Variants in MAN1B1 observed in about 807,000 individuals in gnomAD.
MAN1B1 encodes endoplasmic reticulum mannosyl-oligosaccharide 1,2-alpha-mannosidase.
MAN1B1 carries 66 observed loss-of-function variants against 75.5 expected under a neutral mutation model. The observed-to-expected ratio is 0.87, with a 90% CI of 0.72 to 1.07. The LOEUF is 1.07. Among genes scored for constraint, MAN1B1 ranks in the 50% least tolerant of loss-of-function variants. The pLI is 0.00. For missense variants in MAN1B1, 973 were observed against 912.5 expected, an observed-to-expected ratio of 1.07 and a Z score of -0.85; for synonymous variants, 453 against 382.8, an observed-to-expected ratio of 1.18 and a Z score of -2.14.
rs916796322 is a variant in MAN1B1 at position 137,108,380 on chromosome 9, C to T, written c.1897-8C>T. On this transcript the variant is annotated splice_polypyrimidine_tract_variant and splice_region_variant and intron_variant, in intron 12 of 12. Coordinates refer to ENST00000371589, the MANE Select transcript of MAN1B1 (RefSeq NM_016219.5). ...CCGTGTGGTGACGAGGCCCTGGCTG[C>T]TGCACAGGTCCCCTCGGGTGGCTAT... is the stretch of plus-strand genomic sequence containing the variant. 8.7e-6 allele frequency: 14 copies of T among 1,613,058 alleles called. No homozygotes were observed. The highest frequency in any genetic ancestry group is 1.3e-5 in the African/African-American group (1 of 75,022).
Position 137,107,275 on chromosome 9 carries a change from G to A in MAN1B1, c.1592G>A (p.Gly531Glu), listed in dbSNP as rs1831145544. The A allele has an allele frequency of 6.2e-7, 1 of 1,613,030 alleles. No individual in the cohort carries two copies. Among genetic ancestry groups the A allele is most frequent in the Non-Finnish European group, 8.5e-7 (1 of 1,179,968 alleles). ...KMDHLVCFLP[G>E]TLALGVYHGL... The stretch of plus-strand genomic sequence containing the variant: ...GACCACCTGGTGTGCTTCCTGCCAG[G>A]GACGCTGGCTCTGGGCGTCTACCAC... The change falls in exon 11 of 13, where the codon GGG (glycine) becomes GAG (glutamate). Residue 531 changes from glycine (G) to glutamate (E), a missense_variant. Transcript: ENST00000371589.
Position 137,097,885 on chromosome 9 carries a change from A to T in MAN1B1, c.678A>T (p.Ala226=). The change falls in exon 5 of 13, where the codon GCA becomes GCT. Residue 226 remains alanine (A), a synonymous_variant. Transcript: ENST00000371589. ...GCACCGAGCTCCCTTCAAGAAGAGC[A>T]GAAGTGCCCACCAAGCCTCCCCTGC... ...EQGTELPSRR[A]EVPTKPPLPP... 1 of 1,561,140 alleles carries T rather than the reference A, an allele frequency of 6.4e-7. No homozygotes were observed. Among genetic ancestry groups the T allele is most frequent in the Non-Finnish European group, 8.7e-7 (1 of 1,153,286 alleles).
intron 3 of MAN1B1, 144 bp from the exon 4 acceptor site, chr9:137,096,093 C>T (rs958626501): frequency 2.9e-5 from 24 of 839,962 alleles, no homozygotes; most frequent in African/African-American, 6.7e-5. Context: ...AGCTGCCTGT[C>T]GTATTGAAAA....
At chr9:137,099,906 G>A in intron 6 of MAN1B1, 25 bp downstream of exon 6, 1 of 1,612,894 alleles carries the variant, frequency 6.2e-7, no homozygotes, top group Non-Finnish European at 8.5e-7. Flanking sequence ...CTGGGGAGGG[G>A]CTGAGCCCTC....
intron 2 of MAN1B1, 73 bp downstream of exon 2, chr9:137,088,256 T>C (rs774113305): frequency 1.9e-6 from 3 of 1,613,558 alleles, no homozygotes; most frequent in African/African-American, 1.3e-5. Flanking sequence ...TCTTGCATTC[T>C]ACCTTAAACA....
chr9:137,102,683 G>A (rs1444230008), intron 8 of MAN1B1: 6 of 369,274 alleles, frequency 1.6e-5, no homozygotes, highest in Non-Finnish European at 3.1e-5. Context: ...CATTCACACT[G>A]TTGCAGACAT....
At position 137,106,255 on chromosome 9, in the gene MAN1B1, C is replaced by T. The variant is rs1486940796; in HGVS notation, c.1385C>T (p.Ala462Val). The T allele has an allele frequency of 1.3e-6, 2 of 1,579,128 alleles. No individual in the cohort carries two copies. Among genetic ancestry groups the T allele is most frequent in the Non-Finnish European group, 8.6e-7 (1 of 1,162,614 alleles). Residue 462 changes from alanine to valine, a missense_variant, in exon 9 of 13, where the codon GCC becomes GTC. Transcript: ENST00000371589. ...HLGVFTLGARADSYYEYLLKQ... is the reference protein window; with the variant it reads ...HLGVFTLGARVDSYYEYLLKQ... Reference sequence around the variant, plus strand: ...GGCGTATTCACGCTGGGCGCCAGGGCCGACAGCTACTATGAGTACCTGCTG... The same window carrying T: ...GGCGTATTCACGCTGGGCGCCAGGGTCGACAGCTACTATGAGTACCTGCTG...
intron 8 of MAN1B1, chr9:137,102,835 CAT>C: frequency 2.3e-6 from 1 of 441,056 alleles, no homozygotes; most frequent in African/African-American, 2.2e-5. Context: ...GTGTTACACA[CAT>C]TCACACTGTT....
At chr9:137,100,148 C>T (rs1005755629) in intron 6 of MAN1B1, among the ~76,000 whole-genome samples, 4 of 152,226 alleles carry the variant, frequency 2.6e-5, no homozygotes, top group African/African-American at 9.6e-5. Context: ...CATTCCCAGG[C>T]TGTGCTTCTC....
intron 3 of MAN1B1, among the ~76,000 whole-genome samples, chr9:137,090,685 G>A (rs534858712): frequency 1.8e-4 from 27 of 152,000 alleles, no homozygotes; most frequent in African/African-American, 6.0e-4. Flanking sequence ...GATTACAGGC[G>A]CCCGACACCA....
At chr9:137,099,140 A>C (rs73668391) in intron 5 of MAN1B1, among the ~76,000 whole-genome samples, 9,000 of 152,220 alleles carry the variant, frequency 0.059, 875 homozygotes, top group African/African-American at 0.2. Context: ...AAAAAAATTT[A>C]AAAAAAGGGA....
At chr9:137,093,525 A>G (rs372337931) in intron 3 of MAN1B1, among the ~76,000 whole-genome samples, 5 of 152,240 alleles carry the variant, frequency 3.3e-5, no homozygotes, top group African/African-American at 1.2e-4. Context: ...CTAAATAAGT[A>G]GACATTTTAT....
At chr9:137,107,907 C>A in intron 12 of MAN1B1, 1 of 655,144 alleles carries the variant, frequency 1.5e-6, no homozygotes, top group Non-Finnish European at 2.8e-6. Context: ...ATTTTCATTT[C>A]TCAGGGCCTG....
At chr9:137,089,612 G>T (rs1247075043) in intron 3 of MAN1B1, among the ~76,000 whole-genome samples, 1 of 152,188 alleles carries the variant, frequency 6.6e-6, no homozygotes, top group Non-Finnish European at 1.5e-5. Flanking sequence ...CAGCATGGAG[G>T]GTCCAGTTGA....
intron 3 of MAN1B1, among the ~76,000 whole-genome samples, chr9:137,094,090 C>T (rs1001799656): frequency 2.0e-5 from 3 of 150,908 alleles, no homozygotes; most frequent in African/African-American, 7.3e-5. Context: ...TCTCCACTCA[C>T]TGCAACCTCC....
chr9:137,098,942 G>A (rs545780004), intron 5 of MAN1B1, among the ~76,000 whole-genome samples: 1 of 152,322 alleles, frequency 6.6e-6, no homozygotes, highest in Non-Finnish European at 1.5e-5. Context: ...CAAGTCTCCT[G>A]CCTCAGCCTC....
rs925448393 is a variant in MAN1B1 at position 137,094,888 on chromosome 9, A to C, written c.466-1349A>C. Among the ~76,000 whole-genome samples the C allele has an allele frequency of 4.0e-5, 6 of 148,784 alleles. No homozygotes were observed. In the South Asian group the frequency reaches 1.1e-3, roughly 27 times the overall value. ...AGAGTAAAACTCTGTCTCAAAAAAC[A>C]AACAAACAAAAAAAACAGGCTGGGC... On this transcript the variant is annotated intron_variant, in intron 3 of 12. Transcript: ENST00000371589.
At chr9:137,097,807 A>AC in intron 4 of MAN1B1, 21 bp from the exon 5 acceptor site, 1 of 1,524,766 alleles carries the variant, frequency 6.6e-7, no homozygotes, top group Non-Finnish European at 8.9e-7. Context: ...GGCAGCTGAC[A>AC]CCCTTCCTTC....
rs151045435 is a variant in MAN1B1, at chr9:137,105,705, A to G, written c.1255-420A>G. Reference sequence around the variant, plus strand: ...AGCTCACCAGGAGGGCGTGGAGCCGAGGCGTTTAATATCATCAGGAGCAAC... The same window carrying G: ...AGCTCACCAGGAGGGCGTGGAGCCGGGGCGTTTAATATCATCAGGAGCAAC... On this transcript the variant is annotated intron_variant, in intron 8 of 12. Transcript: ENST00000371589. The G allele has an allele frequency of 5.4e-3, 1,918 of 352,914 alleles. 13 individuals carry two copies. Among genetic ancestry groups the G allele is most frequent in the African/African-American group, 0.023 (1,054 of 46,676 alleles). The allele number at this position is 352,914 out of a possible 1,614,324, so 21.9% of individuals were successfully genotyped here. A position where few individuals can be genotyped will look rare whatever the true frequency, so the allele number is the denominator to read the frequency against.
Sources: gnomAD v4.1 joint callset for allele counts (sites outside exome capture counted in the v4.1 genomes callset) on GRCh38, gnomAD v4.1.1 for gene constraint, MANE v1.5 for transcripts, NCBI Gene and HGNC (gene_info 2026-07-23, HGNC 2026-07-21) for gene names.